CAST: variants seen among roughly 807,000 people sequenced by gnomAD.
CAST encodes the protein MIR583 host.
In CAST, 76 loss-of-function variants were observed where a neutral mutation model predicts 119.6. The observed-to-expected ratio is 0.64, with a 90% CI of 0.53 to 0.77. The LOEUF (loss-of-function observed/expected upper bound fraction) is 0.77, where lower values mean the gene tolerates loss of function less well. CAST is among the 30% of genes least tolerant of loss of function. The pLI, the probability that CAST is intolerant of heterozygous loss-of-function variation, is 0.00. For missense variants in CAST, 953 were observed against 946.5 expected (o/e 1.01, Z -0.09); for synonymous variants, 319 against 331.6 (o/e 0.96, Z 0.41).
At chr5:96,132,304 A>T in the CAST span, among the ~76,000 whole-genome samples, 5 of 152,094 alleles carry the variant, frequency 3.3e-5, no homozygotes, top group Admixed American at 6.6e-5. Flanking sequence ...AATGGCATGT[A>T]TTTATGGGGT....
chr5:96,520,539 CTG>C (rs1295357941), upstream of CAST, among the ~76,000 whole-genome samples: 2 of 151,404 alleles, frequency 1.3e-5, no homozygotes, highest in Admixed American at 1.3e-4. Context: ...GTGTGTGTGT[CTG>C]TGTGTGTTTG....
intron 1 of CAST, among the ~76,000 whole-genome samples, chr5:96,609,298 T>C (rs1163693025): frequency 6.6e-6 from 1 of 152,226 alleles, no homozygotes; most frequent in African/African-American, 2.4e-5. Flanking sequence ...GGTTGACAAC[T>C]TCCAGAAGCA....
chr5:96,077,695 C>T, the CAST span, among the ~76,000 whole-genome samples: 1 of 152,124 alleles, frequency 6.6e-6, no homozygotes, highest in African/African-American at 2.4e-5. Flanking sequence ...TGCTTCCTTT[C>T]TTGCCATGTG....
chr5:96,387,839 T>A, the CAST span, among the ~76,000 whole-genome samples: 16 of 152,282 alleles, frequency 1.1e-4, no homozygotes, highest in South Asian at 3.3e-3. Context: ...CACTGAGACA[T>A]CATCGAGGTT....
the CAST span, among the ~76,000 whole-genome samples, chr5:96,347,749 A>G: frequency 2.6e-5 from 4 of 152,314 alleles, no homozygotes; most frequent in South Asian, 4.1e-4. Context: ...TAAACCCCAC[A>G]GGAAATCCTC....
intron 1 of CAST, among the ~76,000 whole-genome samples, chr5:96,623,892 T>C (rs576371985): frequency 1.3e-5 from 2 of 151,844 alleles, no homozygotes; most frequent in Non-Finnish European, 2.9e-5. Flanking sequence ...AGAGATGAGA[T>C]CTTGCCATGT....
chr5:96,169,210 T>A, the CAST span, among the ~76,000 whole-genome samples: 7 of 152,202 alleles, frequency 4.6e-5, no homozygotes, highest in South Asian at 1.5e-3. Flanking sequence ...CAGATGAGGA[T>A]GAAATTTGGG....
chr5:96,710,435 A>G (rs1202623706), intron 3 of CAST, among the ~76,000 whole-genome samples: 5 of 152,094 alleles, frequency 3.3e-5, no homozygotes, highest in Non-Finnish European at 7.4e-5. Flanking sequence ...TTTTTAGGCC[A>G]CAGACCTCCT....
chr5:96,504,612 C>T, the CAST span, among the ~76,000 whole-genome samples: 2 of 151,738 alleles, frequency 1.3e-5, no homozygotes, highest in Non-Finnish European at 2.9e-5. Context: ...TCCCCCTTCT[C>T]ATAGATTTAT....
intron 1 of CAST, chr5:96,584,395 C>A (rs568075947): frequency 6.6e-6 from 1 of 152,274 alleles, no homozygotes; most frequent in East Asian, 1.9e-4. Context: ...GGAGTGGGGA[C>A]CCCTGACCTA....
At chr5:95,982,022 C>T in the CAST span, among the ~76,000 whole-genome samples, 51 of 152,070 alleles carry the variant, frequency 3.4e-4, no homozygotes, top group African/African-American at 1.2e-3. Context: ...ACCACCAATG[C>T]AAACCCATGG....
chr5:96,487,397 G>C, the CAST span, among the ~76,000 whole-genome samples: 1 of 152,034 alleles, frequency 6.6e-6, no homozygotes. Context: ...TCACTATTTC[G>C]GAATCCCATA....
At chr5:95,994,084 TC>T in the CAST span, among the ~76,000 whole-genome samples, 5 of 152,104 alleles carry the variant, frequency 3.3e-5, no homozygotes, top group African/African-American at 1.2e-4. Flanking sequence ...TGCAAAGTGT[TC>T]AACTACTCTG....
chr5:96,015,591 G>A, the CAST span, among the ~76,000 whole-genome samples: 51 of 152,188 alleles, frequency 3.4e-4, no homozygotes, highest in African/African-American at 1.1e-3. Context: ...TAAGGAAATT[G>A]AAGCTCAGAG....
chr5:95,978,837 A>T, the CAST span, among the ~76,000 whole-genome samples: 90 of 152,334 alleles, frequency 5.9e-4, 1 homozygote, highest in African/African-American at 1.8e-3. Flanking sequence ...ATCAGGATAC[A>T]TATGCTGATG....
At chr5:96,502,883 C>G in the CAST span, among the ~76,000 whole-genome samples, 1 of 152,138 alleles carries the variant, frequency 6.6e-6, no homozygotes, top group African/African-American at 2.4e-5. Flanking sequence ...AATTCTTCAT[C>G]CCTCTTTGAT....
the CAST span, among the ~76,000 whole-genome samples, chr5:95,969,463 G>A: frequency 6.6e-6 from 1 of 152,180 alleles, no homozygotes; most frequent in African/African-American, 2.4e-5. Context: ...CCAATGATCA[G>A]AGGAGGCTCT....
the CAST span, chr5:96,432,787 C>G: frequency 1.2e-5 from 15 of 1,251,418 alleles, no homozygotes; most frequent in Middle Eastern, 2.7e-4. Flanking sequence ...CCTGGGGCTC[C>G]CACTTGGAAG....
intron 1 of CAST, among the ~76,000 whole-genome samples, chr5:96,552,667 C>A (rs947168683): frequency 6.6e-5 from 10 of 151,882 alleles, no homozygotes; most frequent in Admixed American, 2.0e-4. Flanking sequence ...AGACTGCTAG[C>A]AAGACTAACA....
Sources: gnomAD v4.1 joint callset for allele counts (sites outside exome capture counted in the v4.1 genomes callset) on GRCh38, gnomAD v4.1.1 for gene constraint, MANE v1.5 for transcripts, NCBI Gene and HGNC (gene_info 2026-07-23, HGNC 2026-07-21) for gene names.